Variants in PLD2 observed in about 807,000 individuals in gnomAD.
PLD2 encodes the protein choline phosphatase 2.
A neutral mutation model predicts 119.8 loss-of-function variants in PLD2; 101 were observed. The ratio of observed to expected loss-of-function variants is 0.84; its 90% CI spans 0.72 to 0.99. PLD2 has a LOEUF of 0.99. Ranked by LOEUF, PLD2 falls within the 50% of genes least tolerant of loss-of-function variation. PLD2 has a pLI of 0.00. For synonymous variants in PLD2, 494 were observed against 482.8 expected, an observed-to-expected ratio of 1.02 and a Z score of -0.30; for missense variants, 1,164 against 1,226.8, an observed-to-expected ratio of 0.95 and a Z score of 0.76.
chr17:4,818,785 G>A lies in PLD2; in HGVS notation c.2135G>A (p.Arg712His), dbSNP rs769825363. 2.4e-5 allele frequency: 39 copies of A among 1,614,006 alleles called. No homozygotes were observed. The highest frequency in any genetic ancestry group is 2.0e-4 in the Admixed American group (12 of 59,994). The change falls in exon 21 of 25, where the codon CGT becomes CAT. Residue 712 changes from arginine to histidine, a missense_variant. Physicochemically the swap from Arg to His is conservative, Grantham distance 29. Transcript: ENST00000263088. ...TTCTTTTCTCTCAGGACCCTGTGTCGTGGGGAGTATTCAATCCTGCATCGC... is the reference window on the plus strand; with the variant it reads ...TTCTTTTCTCTCAGGACCCTGTGTCATGGGGAGTATTCAATCCTGCATCGC... The part of the protein sequence containing the change: ...ILHFTYRTLC[R>H]GEYSILHRLK...
Position 4,809,520 on chromosome 17 carries a change from T to C in PLD2, c.583T>C (p.Ser195Pro). The C allele has an allele frequency of 6.2e-7, 1 of 1,607,472 alleles. No individual in the cohort carries two copies. Among genetic ancestry groups the C allele is most frequent in the Non-Finnish European group, 8.5e-7 (1 of 1,175,920 alleles). Residue 195 changes from serine to proline, a missense_variant, in exon 7 of 25, where the codon TCC becomes CCC. Transcript: ENST00000263088. ...AGAGTTCCTGGAAGTCAGTCAGCTG[T>C]CCTTTATCCCGGACTTGGGCCGCAA... Reference protein sequence around the residue: ...MTEFLEVSQLSFIPDLGRKGL... With the variant: ...MTEFLEVSQLPFIPDLGRKGL...
At chr17:4,822,558 G>A in intron 24 of PLD2, 82 bp from the exon 25 acceptor site, 2 of 905,296 alleles carry the variant, frequency 2.2e-6, no homozygotes, top group Non-Finnish European at 1.7e-6. Flanking sequence ...GATGGTATGG[G>A]GGAAGGGGTC....
chr17:4,819,225 G>A lies in PLD2; in HGVS notation c.2308+7G>A, dbSNP rs771433724. On this transcript the variant is annotated splice_region_variant and intron_variant, in intron 22 of 24. Coordinates refer to ENST00000263088, the MANE Select transcript of PLD2 (RefSeq NM_002663.5). The surrounding 1 kb of genome is among the most constrained non-coding windows in gnomAD (Gnocchi z 4.2). ...GACCGGACAGTCATCATTGGTCAGT[G>A]CCGGATCTAGTCCTCTGGCAGGGAG... is the stretch of plus-strand genomic sequence containing the variant. 17 of 1,613,886 alleles carry A rather than the reference G, an allele frequency of 1.1e-5. No individual in the cohort carries two copies. Among genetic ancestry groups the A allele is most frequent in the Non-Finnish European group, 1.4e-5 (17 of 1,180,006 alleles).
intron 17 of PLD2, among the ~76,000 whole-genome samples, chr17:4,817,577 G>A (rs1320954683): frequency 1.3e-5 from 2 of 151,330 alleles, no homozygotes; most frequent in Admixed American, 6.6e-5. Context: ...CAGGAGAATC[G>A]CTTGAACCCA....
intron 10 of PLD2, among the ~76,000 whole-genome samples, chr17:4,813,813 C>A (rs1234516430): frequency 6.6e-6 from 1 of 152,170 alleles, no homozygotes. Context: ...GAGCCAAGAT[C>A]ATGCCATTGC....
At position 4,807,692 on chromosome 17, in the gene PLD2, A is replaced by T; in HGVS notation, c.-1-80A>T. On this transcript the variant is annotated intron_variant, in intron 1 of 24. Coordinates refer to ENST00000263088, the MANE Select transcript of PLD2 (RefSeq NM_002663.5). This position sits in a 1 kb window ranked among gnomAD's most constrained non-coding sequence, Gnocchi z 5.4. ...GGGGGAAGAGGAGGATCTGGAAGAG[A>T]TGGAGGACCTGCGGGAGTTAGGATG... The T allele has an allele frequency of 2.6e-6, 2 of 780,976 alleles. No individual in the cohort carries two copies. Among genetic ancestry groups the T allele is most frequent in the Non-Finnish European group, 4.3e-6 (2 of 461,154 alleles). The allele number at this position is 780,976 out of a possible 1,614,324, so 48.4% of individuals were successfully genotyped here. A position where few individuals can be genotyped will look rare whatever the true frequency, so the allele number is the denominator to read the frequency against.
At position 4,822,780 on chromosome 17, in the gene PLD2, C is replaced by A. The variant is rs140617636; in HGVS notation, c.2718C>A (p.Phe906Leu). 1.0e-4 allele frequency: 166 copies of A among 1,613,706 alleles called. No individual in the cohort carries two copies. In the East Asian group the frequency reaches 2.7e-3, roughly 26 times the overall value. ...LTQVQGHLVH[F>L]PLKFLEDESL... ...AGGTCCAGGGCCACCTGGTCCACTTCCCCCTCAAGTTCCTAGAGGATGAGT... is the reference window on the plus strand; with the variant it reads ...AGGTCCAGGGCCACCTGGTCCACTTACCCCTCAAGTTCCTAGAGGATGAGT... The change falls in exon 25 of 25, where the codon TTC becomes TTA. Residue 906 changes from phenylalanine (F) to leucine (L), a missense_variant. Physicochemically the swap from Phe to Leu is conservative, Grantham distance 22. Transcript: ENST00000263088.
rs1905960255 is a variant in PLD2 at position 4,807,402 on chromosome 17, C to A, written c.-2+177C>A. ...CCCGCCTGGACCCCTGCCCCCGGCC[C>A]GCCTGGCCTGGCGTGAGCCCCGTAG... is the stretch of plus-strand genomic sequence containing the variant. On this transcript the variant is annotated intron_variant, in intron 1 of 24. Coordinates refer to ENST00000263088, the MANE Select transcript of PLD2 (RefSeq NM_002663.5). The surrounding 1 kb of genome is among the most constrained non-coding windows in gnomAD (Gnocchi z 5.4). Among the ~76,000 whole-genome samples, 1 of 152,134 alleles carries A rather than the reference C, an allele frequency of 6.6e-6. No individual in the cohort carries two copies. Among genetic ancestry groups the A allele is most frequent in the South Asian group, 2.1e-4 (1 of 4,834 alleles).
intron 10 of PLD2, 26 bp downstream of exon 10, chr17:4,810,977 C>T (rs764699421): frequency 6.3e-7 from 1 of 1,590,460 alleles, no homozygotes; most frequent in Admixed American, 1.7e-5. Flanking sequence ...CCCTTCTGAG[C>T]TTGTCTGTGG....
At chr17:4,809,276 C>T (rs376550717) in intron 5 of PLD2, 22 bp from the exon 6 acceptor site, 3 of 1,613,352 alleles carry the variant, frequency 1.9e-6, no homozygotes, top group Admixed American at 1.7e-5. Context: ...CTGTCTCTCT[C>T]TCTCTCTCAT....
intron 14 of PLD2, 47 bp from the exon 15 acceptor site, chr17:4,816,573 C>T: frequency 6.2e-7 from 1 of 1,604,288 alleles, no homozygotes; most frequent in Non-Finnish European, 8.5e-7. Flanking sequence ...CTCTGTACAG[C>T]CCCATGACTT....
chr17:4,809,181 C>T lies in PLD2; in HGVS notation c.465C>T (p.Ser155=), dbSNP rs535599375. The T allele has an allele frequency of 6.2e-7, 1 of 1,614,200 alleles. No homozygotes were observed. The highest frequency in any genetic ancestry group is 2.2e-5 in the East Asian group (1 of 44,888). ...TACCCCGGGCAGGTCCTGAGGGCTCCACCAGACATGCAGCCAGCAAACAGG... is the reference window on the plus strand; with the variant it reads ...TACCCCGGGCAGGTCCTGAGGGCTCTACCAGACATGCAGCCAGCAAACAGG... ...PSLPRAGPEG[S]TRHAASKQKY... is the part of the protein sequence containing the mutation. The change falls in exon 5 of 25, where the codon TCC becomes TCT. Residue 155 remains serine, a synonymous_variant. Transcript: ENST00000263088.
At position 4,807,729 on chromosome 17, in the gene PLD2, C is replaced by A; in HGVS notation, c.-1-43C>A. 1.8e-6 allele frequency: 2 copies of A among 1,132,212 alleles called. No homozygotes were observed. The highest frequency in any genetic ancestry group is 2.6e-6 in the Non-Finnish European group (2 of 759,978). The allele number at this position is 1,132,212 out of a possible 1,614,324, so 70.1% of individuals were successfully genotyped here. A position where few individuals can be genotyped will look rare whatever the true frequency, so the allele number is the denominator to read the frequency against. On this transcript the variant is annotated intron_variant, in intron 1 of 24. Transcript: ENST00000263088. This position sits in a 1 kb window ranked among gnomAD's most constrained non-coding sequence, Gnocchi z 5.4. Reference sequence around the variant, plus strand: ...CGGGAGTTAGGATGGGGGGCGGGTTCTGCAGGACAGCTCGCCTCCCTGAGG... The same window carrying A: ...CGGGAGTTAGGATGGGGGGCGGGTTATGCAGGACAGCTCGCCTCCCTGAGG...
At chr17:4,817,477 A>C in intron 17 of PLD2, 3 of 546,904 alleles carry the variant, frequency 5.5e-6, no homozygotes, top group Non-Finnish European at 9.9e-6. Flanking sequence ...CCTGGCTAAC[A>C]TGGTGAAACC....
rs745517544 is a variant in PLD2, at chr17:4,816,724, G to A, written c.1560G>A (p.Val520=). 2 of 1,614,202 alleles carry A rather than the reference G, an allele frequency of 1.2e-6. No individual in the cohort carries two copies. The highest frequency in any genetic ancestry group is 1.7e-6 in the Non-Finnish European group (2 of 1,180,040). ...GCAATCTTATCACCAAGGACTGGGTGCAGCTGGACCGGCCTTTCGAAGGTG... is the reference window on the plus strand; with the variant it reads ...GCAATCTTATCACCAAGGACTGGGTACAGCTGGACCGGCCTTTCGAAGGTG... ...DYSNLITKDW[V]QLDRPFEDFI... The change falls in exon 15 of 25, where the codon GTG becomes GTA. Residue 520 remains valine (V), a synonymous_variant. Transcript: ENST00000263088.
Position 4,817,019 on chromosome 17 carries a change from T to C in PLD2, c.1665T>C (p.Leu555=), listed in dbSNP as rs765928701. ...TCCATGGCCTACCGGCCCGGGACCT[T>C]GCCCGGCACTTCATCCAGCGCTGGA... ...VVVHGLPARD[L]ARHFIQRWNF... The change falls in exon 16 of 25, where the codon CTT becomes CTC. Residue 555 remains leucine, a synonymous_variant. Coordinates refer to ENST00000263088, the MANE Select transcript of PLD2 (RefSeq NM_002663.5). 20 of 1,613,792 alleles carry C rather than the reference T, an allele frequency of 1.2e-5. No individual in the cohort carries two copies. The African/African-American group carries it at 2.5e-4, about 20-fold the overall frequency.
At chr17:4,813,866 C>CTA (rs1400459584) in intron 10 of PLD2, among the ~76,000 whole-genome samples, 2 of 151,968 alleles carry the variant, frequency 1.3e-5, no homozygotes, top group East Asian at 1.9e-4. Context: ...CTCCAAAAAG[C>CTA]TATATATATA....
chr17:4,810,790 G>C lies in PLD2; in HGVS notation c.861-12G>C, dbSNP rs201304237. 3 of 1,606,060 alleles carry C rather than the reference G, an allele frequency of 1.9e-6. No individual in the cohort carries two copies. The Admixed American group carries it at 5.1e-5, about 27-fold the overall frequency. ...GGCGAGGATTTATGGACATCTCATC[G>C]TTCCCATCCAGGTCCTTGATTCTCA... is the stretch of plus-strand genomic sequence containing the variant. On this transcript the variant is annotated splice_polypyrimidine_tract_variant and intron_variant, in intron 9 of 24. Coordinates refer to ENST00000263088, the MANE Select transcript of PLD2 (RefSeq NM_002663.5).
chr17:4,809,447 G>A, intron 6 of PLD2, 46 bp from the exon 7 acceptor site: 1 of 1,610,790 alleles, frequency 6.2e-7, no homozygotes. Flanking sequence ...GGGTCTGAGG[G>A]GCTGAAAGCC....
Sources: gnomAD v4.1 joint callset for allele counts (sites outside exome capture counted in the v4.1 genomes callset) on GRCh38, gnomAD v4.1.1 for gene constraint, Gnocchi (gnomAD v3.1) non-coding constraint, MANE v1.5 for transcripts, NCBI Gene and HGNC (gene_info 2026-07-23, HGNC 2026-07-21) for gene names.